Variants in TMPRSS11E observed in about 807,000 individuals in gnomAD.
TMPRSS11E encodes the protein transmembrane serine protease 11E.
In TMPRSS11E, 38 loss-of-function variants were observed where a neutral mutation model predicts 48.1. The observed-to-expected ratio is 0.79, with a 90% CI of 0.61 to 1.04. The LOEUF is 1.04. Among genes scored for constraint, TMPRSS11E ranks in the 50% least tolerant of loss-of-function variants. TMPRSS11E has a pLI of 0.00. For missense variants in TMPRSS11E, 530 were observed against 510.8 expected (o/e 1.04, Z -0.36); for synonymous variants, 158 against 171.9 (o/e 0.92, Z 0.63).
chr4:68,468,887 T>C lies in TMPRSS11E; in HGVS notation c.267T>C (p.Asn89=), dbSNP rs375185351. ...MSQRLESMVK[N]AFYKSPLREE... ...AATATTTTTACAAACAGGTGAAAAA[T>C]GCATTTTATAAATCTCCATTAAGGG... Residue 89 remains asparagine (N), a synonymous_variant, in exon 4 of 10, where the codon AAT becomes AAC. Transcript: ENST00000305363. 12 of 1,605,748 alleles carry C rather than the reference T, an allele frequency of 7.5e-6. No homozygotes were observed. The highest frequency in any genetic ancestry group is 1.3e-5 in the African/African-American group (1 of 74,804).
At chr4:68,484,946 T>C (rs1490964842) in intron 9 of TMPRSS11E, among the ~76,000 whole-genome samples, 4 of 152,208 alleles carry the variant, frequency 2.6e-5, no homozygotes, top group African/African-American at 7.2e-5. Flanking sequence ...TATGTCTTTC[T>C]CTTGCCTAAT....
chr4:68,448,828 T>C (rs1208433835), intron 1 of TMPRSS11E, among the ~76,000 whole-genome samples: 6 of 151,850 alleles, frequency 4.0e-5, no homozygotes, highest in African/African-American at 1.4e-4. Context: ...GAAGCACATC[T>C]ATGTTTGAGT....
intron 2 of TMPRSS11E, among the ~76,000 whole-genome samples, chr4:68,464,798 T>A (rs2109678249): frequency 6.6e-6 from 1 of 152,344 alleles, no homozygotes; most frequent in East Asian, 1.9e-4. Flanking sequence ...TCTAGAATCT[T>A]GCTATTTAAT....
At chr4:68,461,985 A>C (rs771749071) in intron 2 of TMPRSS11E, 40 bp downstream of exon 2, 14 of 1,611,360 alleles carry the variant, frequency 8.7e-6, no homozygotes, top group Non-Finnish European at 1.1e-5. Flanking sequence ...ATTTACCCCA[A>C]ATATTTCCTC....
chr4:68,466,583 C>T (rs1364535556), intron 2 of TMPRSS11E, 48 bp from the exon 3 acceptor site: 2 of 1,601,036 alleles, frequency 1.2e-6, no homozygotes, highest in Non-Finnish European at 1.7e-6. Context: ...TGATGCTTTA[C>T]ACACATCTGA....
intron 9 of TMPRSS11E, among the ~76,000 whole-genome samples, chr4:68,491,994 C>A (rs952849257): frequency 6.6e-6 from 1 of 152,126 alleles, no homozygotes; most frequent in Non-Finnish European, 1.5e-5. Flanking sequence ...ACATTAAATT[C>A]TTTTATTCAG....
chr4:68,450,855 C>T (rs1024401205), intron 1 of TMPRSS11E, among the ~76,000 whole-genome samples: 7 of 151,686 alleles, frequency 4.6e-5, no homozygotes, highest in African/African-American at 1.5e-4. Flanking sequence ...ATTACATTTG[C>T]TATATTGTGA....
At chr4:68,475,319 T>C (rs2708699) in intron 6 of TMPRSS11E, among the ~76,000 whole-genome samples, 72,909 of 151,832 alleles carry the variant, frequency 0.48, 18,166 homozygotes, top group East Asian at 0.78. Flanking sequence ...AGGCCTAGCA[T>C]TTTTCTTCGC....
Position 68,474,731 on chromosome 4 carries a change from A to C in TMPRSS11E, c.499A>C (p.Lys167Gln). The C allele has an allele frequency of 6.2e-7, 1 of 1,606,578 alleles. No homozygotes were observed. Among genetic ancestry groups the C allele is most frequent in the Non-Finnish European group, 8.5e-7 (1 of 1,177,342 alleles). Residue 167 changes from lysine (K) to glutamine (Q), a missense_variant, in exon 6 of 10, where the codon AAG (lysine) becomes CAG (glutamine). Lys to Gln is a moderately conservative substitution (Grantham distance 53). Coordinates refer to ENST00000305363, the MANE Select transcript of TMPRSS11E (RefSeq NM_014058.4). ...ATTTCTGTGTGTTTCAGAAATCAAC[A>C]AGACAGAAACAGACAGCTATCTAAA... ...PHSVKIKKIN[K>Q]TETDSYLNHC...
chr4:68,467,514 A>G (rs1454468783), intron 3 of TMPRSS11E, among the ~76,000 whole-genome samples: 2 of 152,212 alleles, frequency 1.3e-5, no homozygotes, highest in Non-Finnish European at 2.9e-5. Flanking sequence ...TGGGAGGCAC[A>G]TGTATCTCCA....
rs141089570 is a variant in TMPRSS11E at position 68,486,634 on chromosome 4, A to G, written c.1110+7643A>G. On this transcript the variant is annotated intron_variant, in intron 9 of 9. Transcript: ENST00000305363. The stretch of plus-strand genomic sequence containing the variant: ...TTCTTGTTGTTAGGTGGAGTGTTCT[A>G]TAGATATCTCTTAGGTTCATTTGGT... 3.4e-3 allele frequency among the ~76,000 whole-genome samples: 517 copies of G among 152,302 alleles called. 3 individuals are homozygous for G. The highest frequency in any genetic ancestry group is 0.011 in the African/African-American group (449 of 41,566).
intron 1 of TMPRSS11E, among the ~76,000 whole-genome samples, chr4:68,454,835 T>G (rs1728585902): frequency 6.6e-6 from 1 of 151,892 alleles, no homozygotes; most frequent in Non-Finnish European, 1.5e-5. Context: ...AGTTGGTGTA[T>G]AGTAGTTATA....
At chr4:68,467,828 A>G (rs952239368) in intron 3 of TMPRSS11E, among the ~76,000 whole-genome samples, 7 of 152,162 alleles carry the variant, frequency 4.6e-5, no homozygotes, top group African/African-American at 1.7e-4. Flanking sequence ...AAAATGAAGG[A>G]AATGAAATTG....
intron 9 of TMPRSS11E, among the ~76,000 whole-genome samples, chr4:68,486,328 T>C (rs2603164): frequency 0.94 from 142,619 of 152,246 alleles, 67,438 homozygotes; most frequent in Non-Finnish European, 1. Flanking sequence ...CCAGAAATTC[T>C]GGCATGTTGT....
At chr4:68,479,450 T>C (rs1422738308) in intron 9 of TMPRSS11E, among the ~76,000 whole-genome samples, 1 of 150,552 alleles carries the variant, frequency 6.6e-6, no homozygotes, top group Middle Eastern at 3.2e-3. Flanking sequence ...TGTAGAAAAA[T>C]TTTAGTGGTT....
chr4:68,448,590 G>A (rs928340884), intron 1 of TMPRSS11E, among the ~76,000 whole-genome samples: 3 of 152,034 alleles, frequency 2.0e-5, no homozygotes, highest in African/African-American at 4.8e-5. Flanking sequence ...TATGGTATAT[G>A]TCAGAGATTT....
chr4:68,462,054 A>G (rs1292050347), intron 2 of TMPRSS11E, 109 bp downstream of exon 2: 5 of 1,383,206 alleles, frequency 3.6e-6, no homozygotes, highest in Admixed American at 1.8e-5. Flanking sequence ...ATTCATTTGC[A>G]TAGCCTGTAC....
intron 5 of TMPRSS11E, among the ~76,000 whole-genome samples, chr4:68,471,958 G>A (rs930111166): frequency 6.6e-6 from 1 of 151,810 alleles, no homozygotes; most frequent in Admixed American, 6.6e-5. Flanking sequence ...TGAGGGTGTG[G>A]TATATGGAAA....
At chr4:68,478,149 C>CTT (rs141071822) in intron 8 of TMPRSS11E, among the ~76,000 whole-genome samples, 40,388 of 133,606 alleles carry the variant, frequency 0.3, 7,051 homozygotes, top group Middle Eastern at 0.45. Context: ...GTATCACTAT[C>CTT]TTTTTTTTTT....
Sources: allele counts gnomAD v4.1 joint callset (sites outside exome capture counted in the v4.1 genomes callset), GRCh38; gene constraint gnomAD v4.1.1; transcripts MANE v1.5; gene names NCBI Gene and HGNC (gene_info 2026-07-23, HGNC 2026-07-21).